Variants in ADAM32 observed in about 807,000 individuals in gnomAD.
ADAM32 encodes ADAM metallopeptidase domain 32, also known as disintegrin and metalloproteinase domain-containing protein 32.
ADAM32 carries 89 observed loss-of-function variants against 114.9 expected under a neutral mutation model. The observed-to-expected ratio is 0.77, with a 90% CI of 0.65 to 0.92. The LOEUF (loss-of-function observed/expected upper bound fraction) is 0.92. ADAM32 is among the 40% of genes least tolerant of loss of function. The probability of loss-of-function intolerance (pLI) is 0.00; values close to 1 mark genes in which losing one functional copy is unlikely to be tolerated. For synonymous variants in ADAM32, 285 were observed against 307.5 expected (o/e 0.93, Z 0.77); for missense variants, 870 against 932.8 (o/e 0.93, Z 0.88).
At chr8:39,129,028 T>C (rs1011456798) in intron 2 of ADAM32, among the ~76,000 whole-genome samples, 1 of 152,154 alleles carries the variant, frequency 6.6e-6, no homozygotes, top group Non-Finnish European at 1.5e-5. Context: ...AGATTGTTTC[T>C]AGTATATGGA....
In ADAM32 at chr8:39,231,495, G is replaced by A. The variant is rs13256304; in HGVS notation, c.1526-532G>A. Among the ~76,000 whole-genome samples the A allele has an allele frequency of 2.4e-3, 368 of 152,196 alleles. 1 individual carries two copies. The highest frequency in any genetic ancestry group is 4.0e-3 in the Non-Finnish European group (275 of 67,980). ...AACTACTGAGTCCATGACAATAAAT[G>A]GGTGTTGTTTTAAGCTGCCGAATCT... On this transcript the variant is annotated intron_variant, in intron 14 of 24. Coordinates refer to ENST00000379907, the MANE Select transcript of ADAM32 (RefSeq NM_145004.7).
intron 7 of ADAM32, among the ~76,000 whole-genome samples, chr8:39,161,687 T>C (rs1027283349): frequency 5.3e-5 from 8 of 152,192 alleles, no homozygotes; most frequent in Non-Finnish European, 8.8e-5. Context: ...ACTAATACTC[T>C]TTACCAATTC....
chr8:39,226,249 A>G (rs1809361446), intron 14 of ADAM32, among the ~76,000 whole-genome samples: 1 of 152,152 alleles, frequency 6.6e-6, no homozygotes, highest in Non-Finnish European at 1.5e-5. Flanking sequence ...GGATTTTGAA[A>G]CAGCATCAAG....
intron 2 of ADAM32, among the ~76,000 whole-genome samples, chr8:39,121,188 A>T (rs866714407): frequency 9.9e-4 from 151 of 152,354 alleles, no homozygotes; most frequent in African/African-American, 3.5e-3. Context: ...TTAATCCGCC[A>T]TGTCAAGTGA....
At chr8:39,231,526 A>G (rs1163682974) in intron 14 of ADAM32, among the ~76,000 whole-genome samples, 1 of 152,268 alleles carries the variant, frequency 6.6e-6, no homozygotes, top group Admixed American at 6.5e-5. Flanking sequence ...AATCTTTTCT[A>G]ATTTTTTACA....
intron 20 of ADAM32, 55 bp downstream of exon 20, chr8:39,270,969 G>T: frequency 6.6e-7 from 1 of 1,510,666 alleles, no homozygotes; most frequent in South Asian, 1.2e-5. Context: ...AGAGTTAATT[G>T]ATAATTCACA....
At chr8:39,228,707 A>T (rs1222498814) in intron 14 of ADAM32, among the ~76,000 whole-genome samples, 1 of 152,224 alleles carries the variant, frequency 6.6e-6, no homozygotes, top group East Asian at 1.9e-4. Flanking sequence ...GCCTAAGAAT[A>T]ATTGGGGCTC....
intron 14 of ADAM32, among the ~76,000 whole-genome samples, chr8:39,225,834 G>T (rs1206219961): frequency 2.0e-5 from 3 of 151,810 alleles, no homozygotes; most frequent in Non-Finnish European, 4.4e-5. Context: ...GTTTCAAAAT[G>T]GTGACTGCTC....
intron 16 of ADAM32, among the ~76,000 whole-genome samples, chr8:39,245,794 C>T (rs1156781112): frequency 2.6e-5 from 4 of 152,160 alleles, no homozygotes; most frequent in East Asian, 1.9e-4. Flanking sequence ...CTAAAACTCT[C>T]TTATTATTTA....
At position 39,247,924 on chromosome 8, in the gene ADAM32, G is replaced by T. The variant is rs185554636; in HGVS notation, c.1902+1758G>T. 3.3e-5 allele frequency among the ~76,000 whole-genome samples: 5 copies of T among 151,756 alleles called. No individual in the cohort carries two copies. In the East Asian group the frequency reaches 9.7e-4, roughly 29 times the overall value. ...TTTTTTTCCTGCATTTTGATGTCTA[G>T]CTAGTACCAATTGTTGAAGTCTTTC... On this transcript the variant is annotated intron_variant, in intron 17 of 24. Coordinates refer to ENST00000379907, the MANE Select transcript of ADAM32 (RefSeq NM_145004.7).
intron 21 of ADAM32, among the ~76,000 whole-genome samples, chr8:39,274,791 G>C (rs1056863939): frequency 2.0e-5 from 3 of 152,194 alleles, no homozygotes; most frequent in Admixed American, 6.5e-5. Flanking sequence ...CACAACATCA[G>C]AGAGCAATGC....
intron 16 of ADAM32, among the ~76,000 whole-genome samples, chr8:39,245,487 A>G (rs1265175691): frequency 6.6e-6 from 1 of 152,180 alleles, no homozygotes; most frequent in African/African-American, 2.4e-5. Flanking sequence ...AGTTAAGGTT[A>G]AATGAAACTG....
intron 1 of ADAM32, among the ~76,000 whole-genome samples, chr8:39,109,281 C>A (rs1840055261): frequency 6.6e-6 from 1 of 152,194 alleles, no homozygotes; most frequent in Non-Finnish European, 1.5e-5. Flanking sequence ...GTGGCTCACG[C>A]CTGTAATCCC....
At chr8:39,248,180 G>T (rs987754698) in intron 17 of ADAM32, among the ~76,000 whole-genome samples, 2 of 151,970 alleles carry the variant, frequency 1.3e-5, no homozygotes, top group Non-Finnish European at 2.9e-5. Flanking sequence ...TTGATCTTTT[G>T]TGCCTCCATA....
At chr8:39,198,417 A>G (rs922366296) in intron 11 of ADAM32, among the ~76,000 whole-genome samples, 2 of 151,870 alleles carry the variant, frequency 1.3e-5, no homozygotes, top group African/African-American at 4.8e-5. Flanking sequence ...TCACTTTGTC[A>G]CTCAGGCTGG....
chr8:39,232,387 C>T (rs151045089), intron 15 of ADAM32, among the ~76,000 whole-genome samples: 4 of 152,228 alleles, frequency 2.6e-5, no homozygotes, highest in East Asian at 1.9e-4. Flanking sequence ...TCATAATACC[C>T]ACTGTACCTT....
At chr8:39,260,634 T>C (rs956506207) in intron 19 of ADAM32, among the ~76,000 whole-genome samples, 1 of 152,168 alleles carries the variant, frequency 6.6e-6, no homozygotes, top group Non-Finnish European at 1.5e-5. Flanking sequence ...CTTATAATGT[T>C]CTGTTAAAGT....
chr8:39,207,523 C>T (rs1585541033), intron 11 of ADAM32, among the ~76,000 whole-genome samples: 1 of 152,140 alleles, frequency 6.6e-6, no homozygotes, highest in African/African-American at 2.4e-5. Flanking sequence ...TTCCCATATC[C>T]ATCACTATAA....
chr8:39,156,427 A>G (rs7823183), intron 6 of ADAM32, among the ~76,000 whole-genome samples: 146,478 of 152,330 alleles, frequency 0.96, 70,710 homozygotes, highest in East Asian at 1. Flanking sequence ...GTATAAGTGT[A>G]AGCCACTGCA....
Sources: gnomAD v4.1 joint callset for allele counts (sites outside exome capture counted in the v4.1 genomes callset) on GRCh38, gnomAD v4.1.1 for gene constraint, MANE v1.5 for transcripts, NCBI Gene and HGNC (gene_info 2026-07-23, HGNC 2026-07-21) for gene names.